MTHFD1L: variants seen among roughly 807,000 people sequenced by gnomAD.
The protein encoded by MTHFD1L is monofunctional C1-tetrahydrofolate synthase, mitochondrial.
In MTHFD1L, 81 loss-of-function variants were observed where a neutral mutation model predicts 119.5. The ratio of observed to expected loss-of-function variants is 0.68; its 90% confidence interval spans 0.57 to 0.82. The LOEUF is 0.82. Among genes scored for constraint, MTHFD1L ranks in the 40% least tolerant of loss-of-function variants. The probability of loss-of-function intolerance (pLI) is 0.00; values close to 1 mark genes in which losing one functional copy is unlikely to be tolerated. For missense variants in MTHFD1L, 1,125 were observed against 1,253.4 expected (o/e 0.90, Z 1.55); for synonymous variants, 430 against 475.2 (o/e 0.90, Z 1.24).
intron 26 of MTHFD1L, among the ~76,000 whole-genome samples, chr6:151,043,586 C>T (rs187979642): frequency 7.0e-4 from 106 of 152,208 alleles, no homozygotes; most frequent in African/African-American, 2.4e-3. Flanking sequence ...GAGAGGTGTC[C>T]GACCAAGTTG....
rs150775818 is a variant in MTHFD1L, at chr6:150,894,815, A to G, written c.780+6834A>G. On this transcript the variant is annotated intron_variant, in intron 7 of 27. Coordinates refer to ENST00000367321, the MANE Select transcript of MTHFD1L (RefSeq NM_015440.5). ...CACGGAGCCTGAGCATGAAGAATTG[A>G]CCTTCTTAGGGTTCCACAGAAACCA... 5.3e-3 allele frequency among the ~76,000 whole-genome samples: 803 copies of G among 152,274 alleles called. 3 individuals carry two copies. The highest frequency in any genetic ancestry group is 0.018 in the African/African-American group (764 of 41,564).
chr6:150,882,189 T>C (rs1013548966), intron 4 of MTHFD1L, among the ~76,000 whole-genome samples: 1 of 152,222 alleles, frequency 6.6e-6, no homozygotes, highest in African/African-American at 2.4e-5. Flanking sequence ...GAGCTGTGCA[T>C]GCTAAGAATT....
At chr6:150,939,606 G>A (rs1271865834) in intron 13 of MTHFD1L, among the ~76,000 whole-genome samples, 1 of 151,572 alleles carries the variant, frequency 6.6e-6, no homozygotes, top group East Asian at 1.9e-4. Context: ...GGAGGTCCTC[G>A]TGGGTGGCTG....
intron 26 of MTHFD1L, among the ~76,000 whole-genome samples, chr6:151,085,410 C>T (rs567182617): frequency 2.0e-5 from 3 of 152,148 alleles, no homozygotes; most frequent in Non-Finnish European, 2.9e-5. Flanking sequence ...ACATGACTTA[C>T]GTCTTAGAAA....
intron 19 of MTHFD1L, among the ~76,000 whole-genome samples, chr6:150,969,068 C>T (rs1227833067): frequency 6.6e-6 from 1 of 151,960 alleles, no homozygotes; most frequent in Non-Finnish European, 1.5e-5. Flanking sequence ...AGGCTGGTCT[C>T]GAACTCCTGA....
At chr6:151,015,227 T>TTTTG (rs1491186340) in intron 23 of MTHFD1L, among the ~76,000 whole-genome samples, 22 of 142,548 alleles carry the variant, frequency 1.5e-4, no homozygotes, top group African/African-American at 5.8e-4. Context: ...TTTTTTTTTT[T>TTTTG]TAATTCTACC....
chr6:151,031,389 C>T (rs78591660), intron 24 of MTHFD1L, among the ~76,000 whole-genome samples: 3,788 of 152,318 alleles, frequency 0.025, 103 homozygotes, highest in Admixed American at 0.091. Context: ...GCTTTTGCTG[C>T]AGCCACTCAC....
intron 20 of MTHFD1L, among the ~76,000 whole-genome samples, chr6:151,007,271 G>A (rs1267148689): frequency 6.6e-6 from 1 of 151,852 alleles, no homozygotes; most frequent in Non-Finnish European, 1.5e-5. Context: ...CCGCCCTCCA[G>A]CTCTCTCTAG....
At chr6:151,011,211 A>G (rs111638150) in intron 21 of MTHFD1L, among the ~76,000 whole-genome samples, 5 of 152,370 alleles carry the variant, frequency 3.3e-5, no homozygotes, top group African/African-American at 1.2e-4. Context: ...ATGATATAAT[A>G]CAGATTAAAA....
chr6:150,976,744 G>T (rs937224660), intron 20 of MTHFD1L, among the ~76,000 whole-genome samples: 1 of 152,224 alleles, frequency 6.6e-6, no homozygotes, highest in Admixed American at 6.5e-5. Context: ...CGTTTGCAAA[G>T]ATAGTAGACA....
chr6:150,941,935 A>T (rs1053124736), intron 13 of MTHFD1L, among the ~76,000 whole-genome samples: 1 of 152,232 alleles, frequency 6.6e-6, no homozygotes, highest in Admixed American at 6.5e-5. Context: ...ATTCATCTTC[A>T]CCAATAATCA....
At chr6:150,974,922 GAGATGGGGTTTCTCC>G (rs56703060) in intron 20 of MTHFD1L, among the ~76,000 whole-genome samples, 12,117 of 151,930 alleles carry the variant, frequency 0.08, 1,225 homozygotes, top group East Asian at 0.54. Flanking sequence ...TTTTTTAGTA[GAGATGGGGTTTCTCC>G]ATGTTGGTCA....
Position 150,868,973 on chromosome 6 carries a change from A to C in MTHFD1L, c.227+2924A>C, listed in dbSNP as rs1778930428. 2.6e-5 allele frequency among the ~76,000 whole-genome samples: 4 copies of C among 152,290 alleles called. 1 individual carries two copies. The South Asian group carries it at 8.3e-4, about 32-fold the overall frequency. On this transcript the variant is annotated intron_variant, in intron 1 of 27. Coordinates refer to ENST00000367321, the MANE Select transcript of MTHFD1L (RefSeq NM_015440.5). The stretch of plus-strand genomic sequence containing the variant: ...CTACTCAGAAGGCTGAGGCAGGAGG[A>C]TCACTTGAGCCCAGGAGGTCAAGGC...
Position 151,036,939 on chromosome 6 carries a change from AAC to A in MTHFD1L, c.2695-22_2695-21del, listed in dbSNP as rs201216720. 8.1e-3 allele frequency: 13,069 copies of A among 1,611,516 alleles called. 71 individuals are homozygous for A. Among genetic ancestry groups the A allele is most frequent in the Non-Finnish European group, 0.01 (12,060 of 1,179,388 alleles). On this transcript the variant is annotated intron_variant, in intron 25 of 27. Coordinates refer to ENST00000367321, the MANE Select transcript of MTHFD1L (RefSeq NM_015440.5). ...CAGGAGACTAACATCTGTATCAGTGAACACATTTTCTTTCCTTTCTCACAGGG... is the reference window on the plus strand; with the variant it reads ...CAGGAGACTAACATCTGTATCAGTGAACATTTTCTTTCCTTTCTCACAGGG...
chr6:150,872,888 C>T (rs1399624582), intron 1 of MTHFD1L, among the ~76,000 whole-genome samples: 1 of 151,454 alleles, frequency 6.6e-6, no homozygotes, highest in Non-Finnish European at 1.5e-5. Flanking sequence ...CCTTGAACTC[C>T]TGAGCTCAAG....
chr6:151,015,557 CAAAGCGG>C lies in MTHFD1L; in HGVS notation c.2451_2457del (p.Lys818LeufsTer26). 1 of 1,613,992 alleles carries C rather than the reference CAAAGCGG, an allele frequency of 6.2e-7. No individual in the cohort carries two copies. Among genetic ancestry groups the C allele is most frequent in the Non-Finnish European group, 8.5e-7 (1 of 1,179,988 alleles). On this transcript the variant is annotated frameshift_variant, in exon 24 of 28. Coordinates refer to ENST00000367321, the MANE Select transcript of MTHFD1L (RefSeq NM_015440.5). LOFTEE classifies it high-confidence loss of function. ...GAGATTGACTTGGTGTGTGAGCTTG[CAAAGCGG>C]GCTGGTGCCTTTGATGCAGTCCCCT...
chr6:151,046,795 CAA>C (rs1788157642), intron 26 of MTHFD1L, among the ~76,000 whole-genome samples: 1 of 151,980 alleles, frequency 6.6e-6, no homozygotes, highest in East Asian at 1.9e-4. Flanking sequence ...GAATGCAAAC[CAA>C]GATACCGGTT....
intron 11 of MTHFD1L, chr6:150,934,838 G>A: frequency 8.5e-7 from 1 of 1,179,046 alleles, no homozygotes. Flanking sequence ...AGAAATGCCT[G>A]CCAATGCTTT....
Position 151,035,291 on chromosome 6 carries a change from G to A in MTHFD1L, c.2694+691G>A, listed in dbSNP as rs1007801949. On this transcript the variant is annotated intron_variant, in intron 25 of 27. Transcript: ENST00000367321. ...TCACCAAAAGGACCGTATGCCTCGA[G>A]TGTCCCTCCTACTTTGGTGTAGTCG... is the stretch of plus-strand genomic sequence containing the variant. 2.0e-5 allele frequency among the ~76,000 whole-genome samples: 3 copies of A among 152,280 alleles called. No individual in the cohort carries two copies. In the South Asian group the frequency reaches 6.2e-4, roughly 32 times the overall value.
Sources: gnomAD v4.1 joint callset for allele counts (sites outside exome capture counted in the v4.1 genomes callset) on GRCh38, gnomAD v4.1.1 for gene constraint, MANE v1.5 for transcripts, NCBI Gene and HGNC (gene_info 2026-07-23, HGNC 2026-07-21) for gene names.